Variants in COX15 observed in about 807,000 individuals in gnomAD.
COX15 encodes the protein heme A synthase COX15.
COX15 carries 51 observed loss-of-function variants against 51.9 expected under a neutral mutation model. The ratio of observed to expected loss-of-function variants is 0.98; its 90% CI spans 0.78 to 1.24. COX15 has a LOEUF of 1.24. COX15 is among the 50% of genes most tolerant of loss of function. The pLI, the probability that COX15 is intolerant of heterozygous loss-of-function variation, is 0.00. For synonymous variants in COX15, 188 were observed against 190.5 expected (o/e 0.99, Z 0.11); for missense variants, 420 against 501.1 (o/e 0.84, Z 1.55).
the COX15 span, among the ~76,000 whole-genome samples, chr10:99,700,449 T>G: frequency 6.7e-6 from 1 of 150,300 alleles, no homozygotes; most frequent in Admixed American, 6.6e-5. Flanking sequence ...TGTGTGTTTA[T>G]TGTCTGTCTC....
At position 99,712,309 on chromosome 10, in the gene COX15, A is replaced by T; in HGVS notation, c.*2278T>A. 3 of 985,202 alleles carry T rather than the reference A, an allele frequency of 3.0e-6. No homozygotes were observed. Among genetic ancestry groups the T allele is most frequent in the Non-Finnish European group, 3.6e-6 (3 of 829,694 alleles). The allele number at this position is 985,202 out of a possible 1,614,324, so 61.0% of individuals were successfully genotyped here. A position where few individuals can be genotyped will look rare whatever the true frequency, so the allele number is the denominator to read the frequency against. On this transcript the variant is annotated 3_prime_UTR_variant, in exon 9 of 9. Transcript: ENST00000016171. Reference sequence around the variant, plus strand: ...ATCACCTAGTTCAGAGACTAACGGGAAACGTTAGGTCATTTATGGCTCTCA... The same window carrying T: ...ATCACCTAGTTCAGAGACTAACGGGTAACGTTAGGTCATTTATGGCTCTCA...
chr10:99,714,576 T>C lies in COX15; in HGVS notation c.*11A>G. On this transcript the variant is annotated 3_prime_UTR_variant, in exon 9 of 9. Transcript: ENST00000016171. ...AGCAGTCACAGTCCCAGGAGGCTGG[T>C]CCTCTAAGAATCATTTTGGGACTCT... 6.2e-7 allele frequency: 1 copy of C among 1,614,002 alleles called. No individual in the cohort carries two copies. Among genetic ancestry groups the C allele is most frequent in the South Asian group, 1.1e-5 (1 of 91,084 alleles).
chr10:99,713,801 C>G lies in COX15; in HGVS notation c.*786G>C, dbSNP rs1239657797. The G allele has an allele frequency of 1.8e-5, 7 of 386,342 alleles. No individual in the cohort carries two copies. The highest frequency in any genetic ancestry group is 3.1e-5 in the Non-Finnish European group (7 of 225,334). The allele number at this position is 386,342 out of a possible 1,614,324, so 23.9% of individuals were successfully genotyped here. The stretch of plus-strand genomic sequence containing the variant: ...CCCGGCCAATGTGGTGAAACCCCTT[C>G]TCTACTAAAAATACAAAATTAGCCA... On this transcript the variant is annotated 3_prime_UTR_variant, in exon 9 of 9. Transcript: ENST00000016171.
At chr10:99,714,838 C>T (rs1303834259) in intron 8 of COX15, 120 bp from the exon 9 acceptor site, 8 of 1,531,588 alleles carry the variant, frequency 5.2e-6, no homozygotes, top group Non-Finnish European at 8.8e-7. Context: ...ACTTAAAATA[C>T]ACACATTTTT....
Position 99,711,126 on chromosome 10 carries a change from C to T in COX15, c.*3461G>A. The T allele has an allele frequency of 1.0e-6, 1 of 984,858 alleles. No homozygotes were observed. Among genetic ancestry groups the T allele is most frequent in the South Asian group, 4.7e-5 (1 of 21,268 alleles). 61.0% of individuals were successfully genotyped at this position (984,858 alleles called of 1,614,324 possible). On this transcript the variant is annotated 3_prime_UTR_variant, in exon 9 of 9. Transcript: ENST00000016171. ...CAAAAAAAACCCTAAGATAATCATTCACCAGAAGCTCATAGATATAATACA... is the reference window on the plus strand; with the variant it reads ...CAAAAAAAACCCTAAGATAATCATTTACCAGAAGCTCATAGATATAATACA...
At chr10:99,702,287 T>TA in the COX15 span, among the ~76,000 whole-genome samples, 6 of 151,692 alleles carry the variant, frequency 4.0e-5, no homozygotes, top group African/African-American at 1.5e-4. Context: ...TAGGGACTCT[T>TA]AAAAAAAAGA....
the COX15 span, among the ~76,000 whole-genome samples, chr10:99,703,221 T>C: frequency 1.6e-5 from 2 of 125,192 alleles, no homozygotes. Flanking sequence ...TTATGTACTG[T>C]CAGATATTTG....
At chr10:99,697,754 T>C in the COX15 span, 1 of 163,162 alleles carries the variant, frequency 6.1e-6, no homozygotes, top group Non-Finnish European at 1.4e-5. Context: ...GGGCGCATCC[T>C]CATTCTAAGA....
At position 99,720,988 on chromosome 10, in the gene COX15, T is replaced by G. The variant is rs1163753828; in HGVS notation, c.831A>C (p.Ser277=). ...TAGLVFLTAL[S]GAFVAGLDAG... Reference sequence around the variant, plus strand: ...CATCTTTGATGAGCTGAGTCCTACCTGAGAGGGCCGTAAGGAACACCAGAC... The same window carrying G: ...CATCTTTGATGAGCTGAGTCCTACCGGAGAGGGCCGTAAGGAACACCAGAC... Residue 277 remains serine, a splice_region_variant and synonymous_variant, in exon 6 of 9, where the codon TCA becomes TCC. Coordinates refer to ENST00000016171, the MANE Select transcript of COX15 (RefSeq NM_078470.6). 1 of 1,613,252 alleles carries G rather than the reference T, an allele frequency of 6.2e-7. No homozygotes were observed. The highest frequency in any genetic ancestry group is 1.1e-5 in the South Asian group (1 of 90,822).
At chr10:99,698,717 C>T in the COX15 span, 1 of 1,614,226 alleles carries the variant, frequency 6.2e-7, no homozygotes, top group South Asian at 1.1e-5. Flanking sequence ...CCAGCCAGGC[C>T]TCACTCAATG....
At position 99,714,620 on chromosome 10, in the gene COX15, C is replaced by G. The variant is rs201663231; in HGVS notation, c.1200G>C (p.Trp400Cys). Residue 400 changes from tryptophan to cysteine, a missense_variant, in exon 9 of 9, where the codon TGG becomes TGC. Physicochemically the swap from Trp to Cys is radical, Grantham distance 215 (BLOSUM62 -2). Transcript: ENST00000016171. ...GSLALLTGAL[W>C]LMNELRRVPK ...GGACTCTTCGGAGTTCATTCATCAG[C>G]CAAAGAGCACCAGTGAGCAAAGCCA... 2.7e-5 allele frequency: 44 copies of G among 1,614,110 alleles called. No homozygotes were observed. The East Asian group carries it at 9.6e-4, about 35-fold the overall frequency.
At chr10:99,731,894 A>G (rs1426225240) in intron 1 of COX15, 66 bp downstream of exon 1, 1 of 1,550,158 alleles carries the variant, frequency 6.5e-7, no homozygotes, top group South Asian at 1.2e-5. Context: ...GCTCTACATT[A>G]TCTTTATCCC....
the COX15 span, chr10:99,704,777 T>TG: frequency 2.6e-6 from 3 of 1,158,512 alleles, no homozygotes; most frequent in Non-Finnish European, 3.7e-6. Context: ...CTGTGATGTC[T>TG]GACCTTGTGG....
At chr10:99,702,574 A>G in the COX15 span, 9 of 1,613,030 alleles carry the variant, frequency 5.6e-6, no homozygotes, top group African/African-American at 2.7e-5. Flanking sequence ...CACTTTCCCT[A>G]TGACTACCCA....
chr10:99,714,801 C>G, intron 8 of COX15, 83 bp from the exon 9 acceptor site: 1 of 1,600,642 alleles, frequency 6.2e-7, no homozygotes, highest in Non-Finnish European at 8.5e-7. Flanking sequence ...TAACCACACA[C>G]AAACCTCCAC....
rs184592729 is a variant in COX15, at chr10:99,711,030, C to T, written c.*3557G>A. The T allele has an allele frequency of 1.0e-6, 1 of 985,094 alleles. No individual in the cohort carries two copies. The highest frequency in any genetic ancestry group is 1.1e-4 in the East Asian group (1 of 8,810). 61.0% of individuals were successfully genotyped at this position (985,094 alleles called of 1,614,324 possible). A position where few individuals can be genotyped will look rare whatever the true frequency, so the allele number is the denominator to read the frequency against. On this transcript the variant is annotated 3_prime_UTR_variant, in exon 9 of 9. Coordinates refer to ENST00000016171, the MANE Select transcript of COX15 (RefSeq NM_078470.6). ...TTTGGAACATCAATCTGTAATTATC[C>T]ATTTTCCATTCATGCATTCACTAAT...
chr10:99,728,505 A>T (rs1211436029), intron 2 of COX15, among the ~76,000 whole-genome samples: 1 of 152,234 alleles, frequency 6.6e-6, no homozygotes, highest in Non-Finnish European at 1.5e-5. Context: ...GGGATATCCA[A>T]ACTGATGATG....
At chr10:99,702,922 G>A in the COX15 span, among the ~76,000 whole-genome samples, 5 of 152,134 alleles carry the variant, frequency 3.3e-5, no homozygotes, top group Non-Finnish European at 5.9e-5. Context: ...CAGAAATCCA[G>A]CTTTATTTGT....
At chr10:99,723,527 C>CA (rs1257621956) in intron 5 of COX15, among the ~76,000 whole-genome samples, 1 of 152,028 alleles carries the variant, frequency 6.6e-6, no homozygotes, top group Non-Finnish European at 1.5e-5. Context: ...ATGAAGGCCT[C>CA]AAAAAAATGT....
Sources: allele counts gnomAD v4.1 joint callset (sites outside exome capture counted in the v4.1 genomes callset), GRCh38; gene constraint gnomAD v4.1.1; transcripts MANE v1.5; gene names NCBI Gene and HGNC (gene_info 2026-07-23, HGNC 2026-07-21).